Variants in ITPRID1 observed in about 807,000 individuals in gnomAD.
The protein encoded by ITPRID1 is ITPR interacting domain containing 1, also known as protein ITPRID1.
In ITPRID1, 96 loss-of-function variants were observed where a neutral mutation model predicts 95.4. The ratio of observed to expected loss-of-function variants is 1.01; its 90% CI spans 0.85 to 1.19. ITPRID1 has a LOEUF of 1.19. Among genes scored for constraint, ITPRID1 ranks in the 50% most tolerant of loss-of-function variants. ITPRID1 has a pLI of 0.00. For synonymous variants in ITPRID1, 510 were observed against 453.6 expected, an observed-to-expected ratio of 1.12 and a Z score of -1.58; for missense variants, 1,339 against 1,252.9, an observed-to-expected ratio of 1.07 and a Z score of -1.04.
At chr7:31,638,615 A>C (rs976650350) in intron 10 of ITPRID1, among the ~76,000 whole-genome samples, 6 of 152,194 alleles carry the variant, frequency 3.9e-5, no homozygotes, top group Non-Finnish European at 7.3e-5. Context: ...TCAATACCCT[A>C]AAGATGTTAC....
chr7:31,608,341 A>G (rs1786718243), intron 10 of ITPRID1, among the ~76,000 whole-genome samples: 1 of 151,940 alleles, frequency 6.6e-6, no homozygotes. Context: ...TGACTACTTT[A>G]TGTCCTTTGC....
intron 1 of ITPRID1, among the ~76,000 whole-genome samples, chr7:31,535,852 C>A (rs1783740407): frequency 6.6e-6 from 1 of 151,854 alleles, no homozygotes; most frequent in African/African-American, 2.4e-5. Context: ...GATCAAGGAT[C>A]ATTCTTATTT....
intron 5 of ITPRID1, among the ~76,000 whole-genome samples, chr7:31,557,269 A>G (rs1054926604): frequency 1.3e-5 from 2 of 152,062 alleles, no homozygotes; most frequent in Non-Finnish European, 2.9e-5. Flanking sequence ...ATCACTTCTG[A>G]GGCTTTGTAC....
intron 1 of ITPRID1, among the ~76,000 whole-genome samples, chr7:31,535,258 C>G (rs1783723462): frequency 6.6e-6 from 1 of 151,984 alleles, no homozygotes; most frequent in Non-Finnish European, 1.5e-5. Context: ...TAAAAACTTT[C>G]TAATGGTATA....
chr7:31,594,018 A>C (rs1312530821), intron 10 of ITPRID1, among the ~76,000 whole-genome samples: 1 of 152,198 alleles, frequency 6.6e-6, no homozygotes, highest in Non-Finnish European at 1.5e-5. Context: ...TGTACCAAAT[A>C]ACGATGCTTT....
rs1785259043 is a variant in ITPRID1, at chr7:31,578,141, T to C, written c.877T>C (p.Cys293Arg). Residue 293 changes from cysteine to arginine, a missense_variant, in exon 9 of 15, where the codon TGT becomes CGT. Transcript: ENST00000615280. ...VFVPFTKPWDCGAELAATSIN... is the reference protein window; with the variant it reads ...VFVPFTKPWDRGAELAATSIN... ...TGTTCCCTTTACAAAACCATGGGATTGTGGAGCAGAGCTAGCAGCAACCTC... is the reference window on the plus strand; with the variant it reads ...TGTTCCCTTTACAAAACCATGGGATCGTGGAGCAGAGCTAGCAGCAACCTC... The C allele has an allele frequency of 6.2e-7, 1 of 1,613,666 alleles. No homozygotes were observed. The highest frequency in any genetic ancestry group is 1.1e-5 in the South Asian group (1 of 91,062).
At chr7:31,558,465 G>A (rs1784523773) in intron 5 of ITPRID1, among the ~76,000 whole-genome samples, 1 of 152,048 alleles carries the variant, frequency 6.6e-6, no homozygotes. Context: ...TTTTGATGTG[G>A]TGCAATACTA....
chr7:31,575,466 T>G (rs1019026874), intron 8 of ITPRID1, among the ~76,000 whole-genome samples: 1 of 152,206 alleles, frequency 6.6e-6, no homozygotes, highest in Non-Finnish European at 1.5e-5. Flanking sequence ...ACTAAGCATG[T>G]TCTTGAGGGT....
chr7:31,658,419 C>G (rs1338657023), downstream of ITPRID1: 2 of 1,478,378 alleles, frequency 1.4e-6, no homozygotes, highest in Non-Finnish European at 1.8e-6. Flanking sequence ...AGAAAATAAT[C>G]AGTTTCCAGA....
At chr7:31,650,144 G>C (rs539419326) in intron 12 of ITPRID1, among the ~76,000 whole-genome samples, 12 of 152,290 alleles carry the variant, frequency 7.9e-5, no homozygotes, top group African/African-American at 2.6e-4. Context: ...GTGGCTCTCA[G>C]GTCCTTGAGA....
chr7:31,624,760 A>G (rs1415742805), intron 10 of ITPRID1, among the ~76,000 whole-genome samples: 2 of 151,990 alleles, frequency 1.3e-5, no homozygotes, highest in African/African-American at 4.8e-5. Context: ...ACAAAAGCCA[A>G]AAGTGACAAA....
chr7:31,515,957 A>C (rs1783028183), intron 1 of ITPRID1, among the ~76,000 whole-genome samples: 1 of 152,218 alleles, frequency 6.6e-6, no homozygotes, highest in African/African-American at 2.4e-5. Context: ...TAGGAGAAGA[A>C]ACAGGCTAGA....
chr7:31,582,196 ATTG>A (rs1188050070), intron 9 of ITPRID1, among the ~76,000 whole-genome samples: 1 of 152,200 alleles, frequency 6.6e-6, no homozygotes, highest in Non-Finnish European at 1.5e-5. Flanking sequence ...CAGTGGGAGA[ATTG>A]TTAAGTAAAC....
At chr7:31,573,796 TG>T (rs970231511) in intron 7 of ITPRID1, among the ~76,000 whole-genome samples, 74 of 150,766 alleles carry the variant, frequency 4.9e-4, no homozygotes, top group African/African-American at 1.7e-3. Context: ...AATATAGAAT[TG>T]TAATATGTCT....
At chr7:31,532,803 G>T (rs949330020) in intron 1 of ITPRID1, among the ~76,000 whole-genome samples, 1 of 152,162 alleles carries the variant, frequency 6.6e-6, no homozygotes, top group Non-Finnish European at 1.5e-5. Context: ...AAATGTACTA[G>T]TTGTTCAGCC....
intron 9 of ITPRID1, among the ~76,000 whole-genome samples, chr7:31,578,734 T>C (rs2128147182): frequency 6.6e-6 from 1 of 152,328 alleles, no homozygotes; most frequent in East Asian, 1.9e-4. Flanking sequence ...GTATGCTTTT[T>C]ATCTATTCTC....
intron 10 of ITPRID1, among the ~76,000 whole-genome samples, chr7:31,614,495 A>T (rs1232609264): frequency 6.6e-6 from 1 of 152,200 alleles, no homozygotes; most frequent in Non-Finnish European, 1.5e-5. Flanking sequence ...CCTCTACAAA[A>T]GGCAGATATG....
intron 1 of ITPRID1, among the ~76,000 whole-genome samples, chr7:31,548,793 TG>T (rs1784185949): frequency 6.6e-6 from 1 of 152,018 alleles, no homozygotes. Context: ...CTGAGGTTTG[TG>T]GTAATCATTT....
At chr7:31,623,489 A>G (rs1210295503) in intron 10 of ITPRID1, among the ~76,000 whole-genome samples, 1 of 151,836 alleles carries the variant, frequency 6.6e-6, no homozygotes. Context: ...CATAAACAGA[A>G]CCAAAGACAA....
Sources: gnomAD v4.1 joint callset for allele counts (sites outside exome capture counted in the v4.1 genomes callset) on GRCh38, gnomAD v4.1.1 for gene constraint, MANE v1.5 for transcripts, NCBI Gene and HGNC (gene_info 2026-07-23, HGNC 2026-07-21) for gene names.